Variants in KDSR observed in about 807,000 individuals in gnomAD.
The protein encoded by KDSR is 3-ketodihydrosphingosine reductase.
A neutral mutation model predicts 41.3 loss-of-function variants in KDSR; 23 were observed. The observed-to-expected ratio is 0.56, with a 90% CI of 0.40 to 0.79. The LOEUF (loss-of-function observed/expected upper bound fraction) is 0.79, where lower values mean the gene tolerates loss of function less well. KDSR is among the 30% of genes least tolerant of loss of function. KDSR has a pLI of 0.00. For missense variants in KDSR, 351 were observed against 416.8 expected (o/e 0.84, Z 1.37); for synonymous variants, 138 against 151.7 (o/e 0.91, Z 0.66).
rs1320770252 is a variant in KDSR at position 63,331,031 on chromosome 18, ATT to A, written c.*749_*750del. The A allele has an allele frequency of 1.3e-5, 3 of 232,294 alleles. No individual in the cohort carries two copies. Among genetic ancestry groups the A allele is most frequent in the Non-Finnish European group, 2.6e-5 (3 of 117,284 alleles). 14.4% of individuals were successfully genotyped at this position (232,294 alleles called of 1,614,324 possible). On this transcript the variant is annotated 3_prime_UTR_variant, in exon 10 of 10. Coordinates refer to ENST00000645214, the MANE Select transcript of KDSR (RefSeq NM_002035.4). ...ATGAGAAATGAAACGTTCCCTAAGC[ATT>A]TGAGTCTAAAGACAAGAAAGCATTG... is the stretch of plus-strand genomic sequence containing the variant.
intron 6 of KDSR, among the ~76,000 whole-genome samples, chr18:63,347,931 T>TG (rs1914559315): frequency 6.6e-6 from 1 of 152,076 alleles, no homozygotes; most frequent in Non-Finnish European, 1.5e-5. Flanking sequence ...TACCTTAGTT[T>TG]GGGGGCAAAG....
chr18:63,351,004 C>G lies in KDSR; in HGVS notation c.493G>C (p.Val165Leu). 6.2e-7 allele frequency: 1 copy of G among 1,614,216 alleles called. No homozygotes were observed. The highest frequency in any genetic ancestry group is 8.5e-7 in the Non-Finnish European group (1 of 1,180,020). The change falls in exon 6 of 10, where the codon GTG (valine) becomes CTG (leucine). Residue 165 changes from valine (V) to leucine (L), a missense_variant. Val to Leu is a conservative substitution (Grantham distance 32). Coordinates refer to ENST00000645214, the MANE Select transcript of KDSR (RefSeq NM_002035.4). ...GAGGACACAAACACGATCCTGCCCACCCGGCGCTCCTTCATGGTGGTGATC... is the reference window on the plus strand; with the variant it reads ...GAGGACACAAACACGATCCTGCCCAGCCGGCGCTCCTTCATGGTGGTGATC... ...AVITTMKERR[V>L]GRIVFVSSQA...
In KDSR at chr18:63,331,420, G is replaced by C. The variant is rs948161418; in HGVS notation, c.*362C>G. 1 of 235,644 alleles carries C rather than the reference G, an allele frequency of 4.2e-6. No individual in the cohort carries two copies. The highest frequency in any genetic ancestry group is 2.2e-5 in the African/African-American group (1 of 45,408). The allele number at this position is 235,644 out of a possible 1,614,324, so 14.6% of individuals were successfully genotyped here. On this transcript the variant is annotated 3_prime_UTR_variant, in exon 10 of 10. Transcript: ENST00000645214. Reference sequence around the variant, plus strand: ...TCAAGATTTCTTTATGTGCCAGAAAGTACATTTCTGGACTTAATCTCTAGG... The same window carrying C: ...TCAAGATTTCTTTATGTGCCAGAAACTACATTTCTGGACTTAATCTCTAGG...
At chr18:63,351,260 A>T (rs181653542) in intron 5 of KDSR, among the ~76,000 whole-genome samples, 181 bp from the exon 6 acceptor site, 1 of 151,512 alleles carries the variant, frequency 6.6e-6, no homozygotes, top group Non-Finnish European at 1.5e-5. Context: ...TTTGAGACCT[A>T]GCATTTGAAG....
chr18:63,337,259 G>A (rs969822827), intron 8 of KDSR, among the ~76,000 whole-genome samples: 1 of 151,706 alleles, frequency 6.6e-6, no homozygotes, highest in Admixed American at 6.6e-5. Context: ...GGGATTACAG[G>A]CGCATGTCAC....
At chr18:63,341,215 T>C (rs77414321) in intron 7 of KDSR, among the ~76,000 whole-genome samples, 3,661 of 151,510 alleles carry the variant, frequency 0.024, 150 homozygotes, top group African/African-American at 0.085. Flanking sequence ...ATACAAGATA[T>C]AGAAGAAATT....
chr18:63,363,498 T>C (rs1210084185), intron 1 of KDSR, among the ~76,000 whole-genome samples: 1 of 147,800 alleles, frequency 6.8e-6, no homozygotes, highest in Non-Finnish European at 1.5e-5. Flanking sequence ...TGCGATAGTT[T>C]ACTGAGAATG....
intron 7 of KDSR, 153 bp downstream of exon 7, chr18:63,344,256 GC>G: frequency 1.8e-6 from 1 of 550,098 alleles, no homozygotes; most frequent in Non-Finnish European, 3.3e-6. Context: ...AGGAATATTT[GC>G]CTGGAGAATC....
Position 63,331,365 on chromosome 18 carries a change from G to T in KDSR, c.*417C>A, listed in dbSNP as rs1038217427. 8.6e-6 allele frequency: 2 copies of T among 232,890 alleles called. No individual in the cohort carries two copies. Among genetic ancestry groups the T allele is most frequent in the Admixed American group, 5.6e-5 (1 of 17,742 alleles). 14.4% of individuals were successfully genotyped at this position (232,890 alleles called of 1,614,324 possible). Reference sequence around the variant, plus strand: ...GAGAGAACCCGAGAAACCGAAAATTGTTTTTTTATGGAAGGTTTAAACAAA... The same window carrying T: ...GAGAGAACCCGAGAAACCGAAAATTTTTTTTTTATGGAAGGTTTAAACAAA... On this transcript the variant is annotated 3_prime_UTR_variant, in exon 10 of 10. Transcript: ENST00000645214.
At chr18:63,366,752 C>A in intron 1 of KDSR, 1 of 369,562 alleles carries the variant, frequency 2.7e-6, no homozygotes, top group Non-Finnish European at 4.8e-6. Context: ...GCCCCGGGAA[C>A]CCTGCGGCCG....
At chr18:63,357,135 T>C (rs1159066421) in intron 3 of KDSR, among the ~76,000 whole-genome samples, 1 of 152,108 alleles carries the variant, frequency 6.6e-6, no homozygotes, top group Non-Finnish European at 1.5e-5. Context: ...AATACCACAG[T>C]GAAATACTAT....
intron 1 of KDSR, among the ~76,000 whole-genome samples, chr18:63,365,127 T>C (rs1291520224): frequency 6.6e-6 from 1 of 152,234 alleles, no homozygotes; most frequent in Non-Finnish European, 1.5e-5. Flanking sequence ...TATCAGCAGA[T>C]TACTGTAAAA....
intron 7 of KDSR, among the ~76,000 whole-genome samples, chr18:63,341,376 AT>A (rs1914335573): frequency 6.6e-6 from 1 of 152,110 alleles, no homozygotes; most frequent in African/African-American, 2.4e-5. Context: ...ATCTAAAGTA[AT>A]TTTTATGTAA....
intron 1 of KDSR, among the ~76,000 whole-genome samples, chr18:63,364,023 G>T (rs984609652): frequency 6.6e-6 from 1 of 152,060 alleles, no homozygotes; most frequent in Non-Finnish European, 1.5e-5. Flanking sequence ...AGATTTATTT[G>T]GTGGGTAATC....
intron 4 of KDSR, 70 bp downstream of exon 4, chr18:63,355,428 C>T: frequency 1.2e-6 from 2 of 1,611,648 alleles, no homozygotes; most frequent in Non-Finnish European, 1.7e-6. Flanking sequence ...TTCCAAGCCA[C>T]ATAGCAAAAT....
chr18:63,359,246 C>T (rs1433352078), intron 3 of KDSR, among the ~76,000 whole-genome samples: 1 of 143,368 alleles, frequency 7.0e-6, no homozygotes. Flanking sequence ...CACCAAAAAT[C>T]GGGTTGGCAT....
At chr18:63,362,675 A>C in intron 2 of KDSR, 104 bp downstream of exon 2, 1 of 733,292 alleles carries the variant, frequency 1.4e-6, no homozygotes, top group Non-Finnish European at 2.4e-6. Flanking sequence ...CACATCAAGG[A>C]AGAAGCGCTT....
chr18:63,331,929 G>T, intron 9 of KDSR, 28 bp from the exon 10 acceptor site: 1 of 1,610,320 alleles, frequency 6.2e-7, no homozygotes, highest in Non-Finnish European at 8.5e-7. Flanking sequence ...AGCTTTTAGT[G>T]CATCCAACGG....
At chr18:63,332,162 A>G (rs745934065) in intron 9 of KDSR, among the ~76,000 whole-genome samples, 3 of 152,230 alleles carry the variant, frequency 2.0e-5, no homozygotes, top group Non-Finnish European at 2.9e-5. Context: ...TATTGCTTGC[A>G]GTCTTAGGGT....
Sources: allele counts gnomAD v4.1 joint callset (sites outside exome capture counted in the v4.1 genomes callset), GRCh38; gene constraint gnomAD v4.1.1; transcripts MANE v1.5; gene names NCBI Gene and HGNC (gene_info 2026-07-23, HGNC 2026-07-21).